Variants in SBF2 observed in about 807,000 individuals in gnomAD.
SBF2 encodes the protein myotubularin-related protein 13.
A neutral mutation model predicts 225.2 loss-of-function variants in SBF2; 112 were observed. The observed-to-expected ratio is 0.50, with a 90% CI of 0.43 to 0.58. The LOEUF (loss-of-function observed/expected upper bound fraction) is 0.58, where lower values mean the gene tolerates loss of function less well. Among genes scored for constraint, SBF2 ranks in the 20% least tolerant of loss-of-function variants. The pLI, the probability that SBF2 is intolerant of heterozygous loss-of-function variation, is 0.00. For synonymous variants in SBF2, 763 were observed against 773.3 expected (o/e 0.99, Z 0.22); for missense variants, 1,996 against 2,206.2 (o/e 0.90, Z 1.91).
chr11:10,241,520 T>C (rs12287964), intron 1 of SBF2, among the ~76,000 whole-genome samples: 3,306 of 151,830 alleles, frequency 0.022, 92 homozygotes, highest in African/African-American at 0.066. Flanking sequence ...AAGCTAAAAG[T>C]TGGTTGTTAA....
At chr11:9,946,087 T>C (rs1274325614) in intron 16 of SBF2, among the ~76,000 whole-genome samples, 2 of 152,206 alleles carry the variant, frequency 1.3e-5, no homozygotes, top group South Asian at 2.1e-4. Context: ...TCTAGGTATA[T>C]ACCCAAAGGA....
At chr11:9,828,012 A>T in intron 28 of SBF2, 1 of 523,620 alleles carries the variant, frequency 1.9e-6, no homozygotes, top group Non-Finnish European at 3.0e-6. Flanking sequence ...AGAAGAGGGT[A>T]ATTAAGAACA....
rs1393817732 is a variant in SBF2 at position 10,048,230 on chromosome 11, A to G, written c.142-5249T>C. 3.3e-5 allele frequency among the ~76,000 whole-genome samples: 5 copies of G among 152,102 alleles called. No homozygotes were observed. In the East Asian group the frequency reaches 9.6e-4, roughly 29 times the overall value. ...CCACATATTTTTCTCTCAACAACCC[A>G]TCTATACTAAATTCCATAACCCTAT... On this transcript the variant is annotated intron_variant, in intron 2 of 39. Transcript: ENST00000256190.
intron 2 of SBF2, among the ~76,000 whole-genome samples, chr11:10,161,177 T>A (rs1197489864): frequency 1.9e-5 from 2 of 105,518 alleles, no homozygotes; most frequent in Non-Finnish European, 3.5e-5. Context: ...AAAGCAAGAC[T>A]CTGTCTCAAA....
intron 37 of SBF2, 21 bp downstream of exon 37, chr11:9,785,104 G>A (rs377475105): frequency 1.4e-5 from 23 of 1,610,796 alleles, no homozygotes; most frequent in East Asian, 2.2e-5. Context: ...TCAGCACAGC[G>A]AGCAGGGTTC....
intron 13 of SBF2, among the ~76,000 whole-genome samples, chr11:9,981,008 T>C (rs1053193274): frequency 6.6e-6 from 1 of 152,246 alleles, no homozygotes; most frequent in East Asian, 1.9e-4. Context: ...ATTCTAAATG[T>C]AGAACTTAAA....
intron 16 of SBF2, among the ~76,000 whole-genome samples, chr11:9,899,144 G>A (rs1861513680): frequency 6.6e-6 from 1 of 151,816 alleles, no homozygotes; most frequent in Non-Finnish European, 1.5e-5. Context: ...CAGGTGAGTA[G>A]AATAAAACAA....
At chr11:10,212,013 A>G (rs1957959824) in intron 1 of SBF2, among the ~76,000 whole-genome samples, 2 of 152,248 alleles carry the variant, frequency 1.3e-5, no homozygotes, top group Non-Finnish European at 1.5e-5. Context: ...AACCAGAGTT[A>G]GCAGGCTGAA....
intron 29 of SBF2, among the ~76,000 whole-genome samples, chr11:9,813,953 T>A (rs932836752): frequency 2.0e-5 from 3 of 151,924 alleles, no homozygotes; most frequent in African/African-American, 7.2e-5. Flanking sequence ...AAAAAAAAAA[T>A]TACATAAAAA....
intron 29 of SBF2, among the ~76,000 whole-genome samples, chr11:9,814,411 AT>A (rs1330434068): frequency 6.6e-6 from 1 of 152,196 alleles, no homozygotes; most frequent in Non-Finnish European, 1.5e-5. Flanking sequence ...TGTGTATTTT[AT>A]AATTTTTCCT....
chr11:10,279,696 C>G (rs1963263117), intron 1 of SBF2, among the ~76,000 whole-genome samples: 1 of 152,180 alleles, frequency 6.6e-6, no homozygotes, highest in Non-Finnish European at 1.5e-5. Context: ...GTCACCCAGG[C>G]TGGGGTGCAA....
chr11:9,782,874 G>GAAAAAAA (rs56057774), intron 38 of SBF2, among the ~76,000 whole-genome samples: 25 of 114,794 alleles, frequency 2.2e-4, no homozygotes, highest in Middle Eastern at 4.0e-3. Flanking sequence ...TGTCTCAAAA[G>GAAAAAAA]AAAAAAAAAA....
intron 2 of SBF2, among the ~76,000 whole-genome samples, chr11:10,139,641 G>A (rs926551435): frequency 3.9e-5 from 6 of 152,246 alleles, no homozygotes; most frequent in South Asian, 2.1e-4. Context: ...AATTGCTCCC[G>A]TATATAAGCT....
chr11:10,124,845 C>T (rs1953665826), intron 2 of SBF2, among the ~76,000 whole-genome samples: 1 of 152,106 alleles, frequency 6.6e-6, no homozygotes, highest in Non-Finnish European at 1.5e-5. Flanking sequence ...TGGTTCACGC[C>T]TGTAATCTCA....
intron 6 of SBF2, among the ~76,000 whole-genome samples, chr11:10,022,662 C>A (rs1287638848): frequency 1.3e-5 from 2 of 151,154 alleles, no homozygotes; most frequent in Non-Finnish European, 2.9e-5. Context: ...TAATATTTAT[C>A]CACTTTCCTG....
intron 18 of SBF2, 53 bp downstream of exon 18, chr11:9,858,173 T>A: frequency 1.2e-6 from 2 of 1,607,458 alleles, no homozygotes. Flanking sequence ...TCTGCTTTCC[T>A]TAAAGCCAGA....
intron 13 of SBF2, among the ~76,000 whole-genome samples, chr11:9,981,718 G>T (rs180956815): frequency 6.6e-6 from 1 of 151,366 alleles, no homozygotes; most frequent in Non-Finnish European, 1.5e-5. Flanking sequence ...TGTCTTTGCA[G>T]AAGTTATTTG....
intron 2 of SBF2, among the ~76,000 whole-genome samples, chr11:10,150,057 G>A (rs1565287656): frequency 6.6e-6 from 1 of 152,102 alleles, no homozygotes; most frequent in Non-Finnish European, 1.5e-5. Flanking sequence ...GTATGCCACA[G>A]AAGAGAGAAA....
At chr11:10,145,368 A>G (rs1954837277) in intron 2 of SBF2, among the ~76,000 whole-genome samples, 1 of 152,124 alleles carries the variant, frequency 6.6e-6, no homozygotes, top group South Asian at 2.1e-4. Context: ...AGAAAAAGGA[A>G]TACATCTGGA....
Sources: gnomAD v4.1 joint callset for allele counts (sites outside exome capture counted in the v4.1 genomes callset) on GRCh38, gnomAD v4.1.1 for gene constraint, MANE v1.5 for transcripts, NCBI Gene and HGNC (gene_info 2026-07-23, HGNC 2026-07-21) for gene names.